Variants in CNTNAP2 observed in about 807,000 individuals in gnomAD.
CNTNAP2 encodes contactin associated protein 2, also known as contactin-associated protein-like 2.
In CNTNAP2, 98 loss-of-function variants were observed where a neutral mutation model predicts 155.2. The observed-to-expected ratio is 0.63, with a 90% CI of 0.54 to 0.75. The LOEUF is 0.75. CNTNAP2 is among the 30% of genes least tolerant of loss of function. CNTNAP2 has a pLI of 0.00. For missense variants in CNTNAP2, 1,727 were observed against 1,688.1 expected (o/e 1.02, Z -0.40); for synonymous variants, 651 against 631.2 (o/e 1.03, Z -0.47).
At chr7:148,348,722 C>G (rs1007853551) in intron 21 of CNTNAP2, among the ~76,000 whole-genome samples, 1 of 152,206 alleles carries the variant, frequency 6.6e-6, no homozygotes, top group East Asian at 1.9e-4. Context: ...GCCACACCCC[C>G]TGAAGCAGAG....
intron 1 of CNTNAP2, among the ~76,000 whole-genome samples, chr7:146,261,112 C>T (rs1490435699): frequency 6.6e-6 from 1 of 152,100 alleles, no homozygotes; most frequent in Admixed American, 6.6e-5. Context: ...GTCAGACGTG[C>T]CTTGCTTCCC....
At chr7:146,933,704 G>C (rs76226510) in intron 3 of CNTNAP2, among the ~76,000 whole-genome samples, 2,223 of 148,746 alleles carry the variant, frequency 0.015, 35 homozygotes, top group Non-Finnish European at 0.024. Flanking sequence ...CAAAGGGCTA[G>C]TATCCAGAAT....
At chr7:147,859,070 G>A (rs573322827) in intron 13 of CNTNAP2, among the ~76,000 whole-genome samples, 21 of 152,144 alleles carry the variant, frequency 1.4e-4, no homozygotes, top group African/African-American at 4.6e-4. Flanking sequence ...ATGTCCTCCC[G>A]CTTCTCAAGA....
chr7:146,430,803 A>T (rs7780559), intron 1 of CNTNAP2, among the ~76,000 whole-genome samples: 11,652 of 152,048 alleles, frequency 0.077, 1,319 homozygotes, highest in African/African-American at 0.25. Context: ...TCAATGATTA[A>T]TTTTTCCTTG....
At chr7:146,927,977 TAA>T (rs1187194399) in intron 3 of CNTNAP2, among the ~76,000 whole-genome samples, 1 of 148,088 alleles carries the variant, frequency 6.8e-6, no homozygotes, top group Non-Finnish European at 1.5e-5. Context: ...TATATATATA[TAA>T]ATATATATAT....
chr7:147,600,508 G>A (rs1800923194), intron 12 of CNTNAP2, among the ~76,000 whole-genome samples: 1 of 152,124 alleles, frequency 6.6e-6, no homozygotes, highest in Non-Finnish European at 1.5e-5. Context: ...TAATTTTCAT[G>A]TATTGTGAAA....
intron 13 of CNTNAP2, among the ~76,000 whole-genome samples, chr7:147,795,593 G>T (rs1002018530): frequency 4.0e-5 from 6 of 151,352 alleles, no homozygotes; most frequent in African/African-American, 1.5e-4. Flanking sequence ...GTCTTCAAGG[G>T]CAAATATTTC....
At chr7:146,854,535 A>G (rs997550209) in intron 3 of CNTNAP2, among the ~76,000 whole-genome samples, 8 of 151,222 alleles carry the variant, frequency 5.3e-5, no homozygotes, top group African/African-American at 1.5e-4. Flanking sequence ...CCAGTGGGCC[A>G]GGTGAAATGG....
intron 12 of CNTNAP2, among the ~76,000 whole-genome samples, chr7:147,568,426 G>T (rs577238825): frequency 6.6e-6 from 1 of 152,132 alleles, no homozygotes; most frequent in Non-Finnish European, 1.5e-5. Flanking sequence ...AAATTAGGGG[G>T]TGTCCTAAAT....
chr7:148,007,409 A>G (rs1384372152), intron 15 of CNTNAP2, among the ~76,000 whole-genome samples: 1 of 152,202 alleles, frequency 6.6e-6, no homozygotes, highest in Admixed American at 6.5e-5. Flanking sequence ...TGTTGACAAT[A>G]TAGAAATAAT....
intron 16 of CNTNAP2, 138 bp downstream of exon 16, chr7:148,118,426 C>A: frequency 1.0e-6 from 1 of 954,922 alleles, no homozygotes; most frequent in Non-Finnish European, 1.6e-6. Context: ...GAGGTGGACA[C>A]ACAAGCCTGA....
At chr7:148,005,899 T>C (rs1301704907) in intron 15 of CNTNAP2, among the ~76,000 whole-genome samples, 1 of 152,224 alleles carries the variant, frequency 6.6e-6, no homozygotes, top group Non-Finnish European at 1.5e-5. Context: ...ATGTGAGCCA[T>C]GGTACTTAGG....
At chr7:146,216,546 A>T (rs1470921285) in intron 1 of CNTNAP2, among the ~76,000 whole-genome samples, 1 of 152,134 alleles carries the variant, frequency 6.6e-6, no homozygotes, top group African/African-American at 2.4e-5. Context: ...AGCAGAATTC[A>T]TCTGTTTCTC....
chr7:148,413,400 AAATATATAT>A lies in CNTNAP2; in HGVS notation c.3797-2015_3797-2007del, dbSNP rs1287447794. On this transcript the variant is annotated intron_variant, in intron 23 of 23. Coordinates refer to ENST00000361727, the MANE Select transcript of CNTNAP2 (RefSeq NM_014141.6). The stretch of plus-strand genomic sequence containing the variant: ...AGAGTGAAACTCCGTCTCAAAAAAA[AAATATATAT>A]ATATATATATATATATATATATATA... Among the ~76,000 whole-genome samples, 44 of 66,228 alleles carry A rather than the reference AAATATATAT, an allele frequency of 6.6e-4. 7 individuals carry two copies. The highest frequency in any genetic ancestry group is 2.9e-3 in the African/African-American group (34 of 11,546). The allele number at this position is 66,228 out of a possible 152,430, so 43.4% of individuals were successfully genotyped here.
At chr7:147,285,587 T>C (rs985094645) in intron 8 of CNTNAP2, among the ~76,000 whole-genome samples, 1 of 152,048 alleles carries the variant, frequency 6.6e-6, no homozygotes, top group Admixed American at 6.6e-5. Flanking sequence ...TTCCTATTAT[T>C]CCTTTTTAAA....
At chr7:146,181,281 TG>T (rs1295957711) in intron 1 of CNTNAP2, among the ~76,000 whole-genome samples, 1 of 152,148 alleles carries the variant, frequency 6.6e-6, no homozygotes, top group Admixed American at 6.6e-5. Flanking sequence ...TTAGGAGAGT[TG>T]GGTGTTTCAG....
At chr7:146,875,891 C>T (rs1795411134) in intron 3 of CNTNAP2, among the ~76,000 whole-genome samples, 1 of 124,988 alleles carries the variant, frequency 8.0e-6, no homozygotes, top group African/African-American at 3.2e-5. Flanking sequence ...AACACACACA[C>T]ACACATACAC....
intron 13 of CNTNAP2, among the ~76,000 whole-genome samples, chr7:147,734,344 C>G (rs1796799567): frequency 6.6e-6 from 1 of 152,116 alleles, no homozygotes; most frequent in Non-Finnish European, 1.5e-5. Context: ...GTTGAACCAG[C>G]CTTGCATCCC....
At chr7:147,206,094 A>G (rs1479197023) in intron 8 of CNTNAP2, among the ~76,000 whole-genome samples, 2 of 152,132 alleles carry the variant, frequency 1.3e-5, no homozygotes, top group Non-Finnish European at 2.9e-5. Context: ...TTAAATCTGT[A>G]TATGTAAACT....
Sources: gnomAD v4.1 joint callset for allele counts (sites outside exome capture counted in the v4.1 genomes callset) on GRCh38, gnomAD v4.1.1 for gene constraint, MANE v1.5 for transcripts, NCBI Gene and HGNC (gene_info 2026-07-23, HGNC 2026-07-21) for gene names.